The following DDX10 variants were observed in gnomAD, a reference collection of about 807,000 sequenced individuals.
The protein encoded by DDX10 is DEAD-box helicase 10, also known as probable ATP-dependent RNA helicase DDX10.
A neutral mutation model predicts 104.3 loss-of-function variants in DDX10; 74 were observed. That is an observed-to-expected ratio of 0.71 (90% confidence interval 0.59 to 0.86). The LOEUF is 0.86. DDX10 is among the 40% of genes least tolerant of loss of function. The pLI, the probability that DDX10 is intolerant of heterozygous loss-of-function variation, is 0.00. For missense variants in DDX10, 952 were observed against 1,040.0 expected (o/e 0.92, Z 1.16); for synonymous variants, 351 against 353.4 (o/e 0.99, Z 0.08).
intron 9 of DDX10, among the ~76,000 whole-genome samples, chr11:108,705,576 A>G (rs1025556282): frequency 2.8e-4 from 42 of 152,154 alleles, no homozygotes; most frequent in African/African-American, 1.0e-3. Flanking sequence ...GGAACATTAG[A>G]TCACTGGAGA....
chr11:108,804,518 A>AAC (rs397725586), intron 13 of DDX10, among the ~76,000 whole-genome samples: 10 of 148,964 alleles, frequency 6.7e-5, no homozygotes, highest in Admixed American at 1.3e-4. Context: ...AAAAAAAAAA[A>AAC]CCCTCCAAAA....
intron 16 of DDX10, among the ~76,000 whole-genome samples, chr11:108,902,091 C>T (rs1208998956): frequency 1.3e-5 from 2 of 152,182 alleles, no homozygotes; most frequent in African/African-American, 4.8e-5. Context: ...CCTAATTCTT[C>T]TCTTAAGTTC....
chr11:108,786,563 T>C (rs565399417), intron 13 of DDX10, among the ~76,000 whole-genome samples: 64 of 152,316 alleles, frequency 4.2e-4, no homozygotes, highest in African/African-American at 1.5e-3. Flanking sequence ...ATGTTTAGGA[T>C]AGTTAAGTCT....
At chr11:108,846,371 G>C (rs2134600540) in intron 15 of DDX10, among the ~76,000 whole-genome samples, 1 of 151,932 alleles carries the variant, frequency 6.6e-6, no homozygotes, top group East Asian at 1.9e-4. Context: ...TATTCCTCCT[G>C]TCTGATGGAA....
intron 9 of DDX10, among the ~76,000 whole-genome samples, chr11:108,695,174 T>G (rs957705640): frequency 3.9e-5 from 6 of 152,216 alleles, no homozygotes; most frequent in Non-Finnish European, 8.8e-5. Flanking sequence ...GAATAAAGTT[T>G]CAATGTACAT....
intron 16 of DDX10, among the ~76,000 whole-genome samples, chr11:108,897,807 C>G (rs542841004): frequency 2.5e-4 from 38 of 152,070 alleles, no homozygotes; most frequent in African/African-American, 8.4e-4. Context: ...TCTCCGGAGT[C>G]TTTTTCAAAT....
chr11:108,836,635 C>T (rs1455533528), intron 13 of DDX10, among the ~76,000 whole-genome samples: 3 of 151,956 alleles, frequency 2.0e-5, no homozygotes, highest in Admixed American at 1.3e-4. Context: ...TACAGGGGTG[C>T]GCCACTATGC....
chr11:108,901,851 A>C (rs1378500073), intron 16 of DDX10, among the ~76,000 whole-genome samples: 1 of 152,206 alleles, frequency 6.6e-6, no homozygotes, highest in African/African-American at 2.4e-5. Flanking sequence ...GTCATTATGG[A>C]AATGTATTAA....
At chr11:108,925,739 G>A (rs1261355444) in intron 17 of DDX10, among the ~76,000 whole-genome samples, 1 of 152,032 alleles carries the variant, frequency 6.6e-6, no homozygotes, top group Non-Finnish European at 1.5e-5. Context: ...ATTTTAATGG[G>A]TTTTAATTTT....
At position 108,918,001 on chromosome 11, in the gene DDX10, T is replaced by G; in HGVS notation, c.2433T>G (p.Asp811Glu). The G allele has an allele frequency of 6.2e-7, 1 of 1,613,726 alleles. No homozygotes were observed. The highest frequency in any genetic ancestry group is 1.3e-5 in the African/African-American group (1 of 75,026). ...GCTCTGAAGATTCAGATAGTGAAGA[T>G]ATGGAAAATAAAATAAGGTATGTTT... The part of the protein sequence containing the change: ...YRSSEDSDSE[D>E]MENKISDTKK... The change falls in exon 17 of 18, where the codon GAT becomes GAG. Residue 811 changes from aspartate to glutamate, a missense_variant. Physicochemically the swap from Asp to Glu is conservative, Grantham distance 45. Around this residue, in one of 3 missense-constraint regions of DDX10, gnomAD observed 533 missense variants for 534.1 expected, o/e 1.00. Coordinates refer to ENST00000322536, the MANE Select transcript of DDX10 (RefSeq NM_004398.4).
At chr11:108,721,781 T>C (rs3781864) in intron 12 of DDX10, among the ~76,000 whole-genome samples, 71,266 of 152,006 alleles carry the variant, frequency 0.47, 19,722 homozygotes, top group Non-Finnish European at 0.61. Flanking sequence ...TTTGAATACC[T>C]AATATGTGCA....
intron 13 of DDX10, among the ~76,000 whole-genome samples, chr11:108,771,418 G>T (rs780310852): frequency 6.6e-6 from 1 of 151,712 alleles, no homozygotes; most frequent in Non-Finnish European, 1.5e-5. Flanking sequence ...GGAGTGCAGT[G>T]GCATGATCTC....
rs570816534 is a variant in DDX10, at chr11:108,838,074, C to T, written c.1966-372C>T. On this transcript the variant is annotated intron_variant, in intron 13 of 17. Transcript: ENST00000322536. The stretch of plus-strand genomic sequence containing the variant: ...TTCCTACTCTAAAAACTTAAGTTTG[C>T]AACTGCACATTTTAAGATATGTATG... Among the ~76,000 whole-genome samples the T allele has an allele frequency of 2.0e-5, 3 of 150,956 alleles. No homozygotes were observed. The East Asian group carries it at 5.8e-4, about 29-fold the overall frequency.
chr11:108,815,166 T>C (rs1238269573), intron 13 of DDX10, among the ~76,000 whole-genome samples: 3 of 152,184 alleles, frequency 2.0e-5, no homozygotes, highest in Non-Finnish European at 4.4e-5. Flanking sequence ...TATACTTTGA[T>C]GTAACATTAC....
intron 13 of DDX10, among the ~76,000 whole-genome samples, chr11:108,823,420 G>A (rs1284664858): frequency 1.3e-5 from 2 of 152,186 alleles, no homozygotes; most frequent in African/African-American, 4.8e-5. Flanking sequence ...ATTTAATAAT[G>A]TAAGCCATTA....
intron 16 of DDX10, among the ~76,000 whole-genome samples, chr11:108,916,424 C>G (rs574169247): frequency 4.9e-4 from 75 of 152,134 alleles, no homozygotes; most frequent in African/African-American, 9.9e-4. Flanking sequence ...ACCAAGGACT[C>G]TCACCAGGAA....
chr11:108,819,896 A>G (rs1433652648), intron 13 of DDX10, among the ~76,000 whole-genome samples: 1 of 152,150 alleles, frequency 6.6e-6, no homozygotes, highest in Non-Finnish European at 1.5e-5. Flanking sequence ...CACCGCGCCC[A>G]GCCCCATACG....
intron 1 of DDX10, among the ~76,000 whole-genome samples, chr11:108,668,786 C>T (rs751332725): frequency 2.0e-5 from 3 of 152,108 alleles, no homozygotes; most frequent in African/African-American, 2.4e-5. Flanking sequence ...CAGTTTGACA[C>T]GTTATATTAG....
At chr11:108,876,450 G>A (rs1863155221) in intron 16 of DDX10, among the ~76,000 whole-genome samples, 1 of 152,148 alleles carries the variant, frequency 6.6e-6, no homozygotes, top group Non-Finnish European at 1.5e-5. Flanking sequence ...GGGGCCTTTG[G>A]AGCCATGAGG....
Sources: gnomAD v4.1 joint callset for allele counts (sites outside exome capture counted in the v4.1 genomes callset) on GRCh38, gnomAD v4.1.1 for gene constraint, gnomAD v4.1.1 regional missense constraint, MANE v1.5 for transcripts, NCBI Gene and HGNC (gene_info 2026-07-23, HGNC 2026-07-21) for gene names.